ADD3: variants seen among roughly 807,000 people sequenced by gnomAD.
The protein encoded by ADD3 is adducin 3, also known as gamma-adducin.
ADD3 carries 25 observed loss-of-function variants against 80.2 expected under a neutral mutation model. The ratio of observed to expected loss-of-function variants is 0.31; its 90% CI spans 0.23 to 0.44. The LOEUF is 0.44. Among genes scored for constraint, ADD3 ranks in the 20% least tolerant of loss-of-function variants. The probability of loss-of-function intolerance (pLI) is 1.00; values close to 1 mark genes in which losing one functional copy is unlikely to be tolerated. For missense variants in ADD3, 829 were observed against 847.5 expected, an observed-to-expected ratio of 0.98 and a Z score of 0.27; for synonymous variants, 284 against 289.6, an observed-to-expected ratio of 0.98 and a Z score of 0.20.
intron 1 of ADD3, among the ~76,000 whole-genome samples, chr10:110,049,967 C>T (rs1564892688): frequency 6.6e-6 from 1 of 151,372 alleles, no homozygotes; most frequent in Admixed American, 6.6e-5. Flanking sequence ...TTGTTTTTGT[C>T]AGTTTCTCCC....
chr10:110,076,344 A>T (rs956777020), intron 1 of ADD3, among the ~76,000 whole-genome samples: 1 of 152,208 alleles, frequency 6.6e-6, no homozygotes, highest in African/African-American at 2.4e-5. Context: ...AAAACTTTTT[A>T]AAATAAAATT....
chr10:110,117,253 A>T (rs1761185140), intron 4 of ADD3, 89 bp from the exon 5 acceptor site: 2 of 666,994 alleles, frequency 3.0e-6, no homozygotes, highest in Admixed American at 5.6e-5. Flanking sequence ...GATCTCTTAC[A>T]ATTATTCATT....
intron 1 of ADD3, among the ~76,000 whole-genome samples, chr10:110,019,491 A>G (rs1454346676): frequency 2.6e-5 from 4 of 151,626 alleles, no homozygotes. Context: ...AGTAGCTGGG[A>G]CTACAGGCAC....
At chr10:110,070,249 G>C (rs1180911361) in intron 1 of ADD3, among the ~76,000 whole-genome samples, 1 of 151,858 alleles carries the variant, frequency 6.6e-6, no homozygotes, top group Non-Finnish European at 1.5e-5. Flanking sequence ...CCTCTCCCCT[G>C]CCCCAACCCA....
intron 1 of ADD3, among the ~76,000 whole-genome samples, chr10:110,065,488 G>GTCTC (rs67149777): frequency 2.8e-5 from 3 of 108,548 alleles, no homozygotes; most frequent in South Asian, 3.1e-4. Context: ...GTCTCTGTCT[G>GTCTC]TCTCTCTCTC....
chr10:110,107,186 A>C lies in ADD3; in HGVS notation c.196-5591A>C, dbSNP rs1471436867. ...TAGTAGAGCAGGAAAATAGTTAAAC[A>C]ATCACAGTCATACACTAGGTACCCT... is the stretch of plus-strand genomic sequence containing the variant. On this transcript the variant is annotated intron_variant, in intron 2 of 14. Coordinates refer to ENST00000356080, the MANE Select transcript of ADD3 (RefSeq NM_016824.5). Among the ~76,000 whole-genome samples the C allele has an allele frequency of 2.6e-5, 4 of 152,266 alleles. No individual in the cohort carries two copies. The South Asian group carries it at 6.2e-4, about 24-fold the overall frequency.
intron 1 of ADD3, among the ~76,000 whole-genome samples, chr10:110,069,278 G>C (rs752729859): frequency 1.3e-5 from 2 of 152,106 alleles, no homozygotes; most frequent in African/African-American, 2.4e-5. Context: ...TCATAAAAAT[G>C]GAAGATTTGT....
chr10:110,030,349 G>A (rs1326011008), intron 1 of ADD3, among the ~76,000 whole-genome samples: 1 of 150,824 alleles, frequency 6.6e-6, no homozygotes, highest in Non-Finnish European at 1.5e-5. Flanking sequence ...AGAAAGTGGT[G>A]ATTATTATGT....
At chr10:110,011,939 C>T (rs780931402) in intron 1 of ADD3, among the ~76,000 whole-genome samples, 22 of 152,186 alleles carry the variant, frequency 1.4e-4, no homozygotes, top group Non-Finnish European at 3.1e-4. Flanking sequence ...TAATTTTTTA[C>T]TGTAATGGGT....
chr10:110,031,815 G>A (rs1237045860), intron 1 of ADD3, among the ~76,000 whole-genome samples: 1 of 151,302 alleles, frequency 6.6e-6, no homozygotes, highest in Non-Finnish European at 1.5e-5. Flanking sequence ...AACATGATTT[G>A]GAATACGTAT....
chr10:110,103,697 G>T (rs1264187144), intron 2 of ADD3, among the ~76,000 whole-genome samples: 1 of 152,098 alleles, frequency 6.6e-6, no homozygotes, highest in East Asian at 1.9e-4. Flanking sequence ...TCCACTCTCT[G>T]GTTACTATTT....
At chr10:110,038,109 C>T (rs189937985) in intron 1 of ADD3, among the ~76,000 whole-genome samples, 2 of 141,008 alleles carry the variant, frequency 1.4e-5, no homozygotes, top group Non-Finnish European at 3.1e-5. Flanking sequence ...TTGGAAAATA[C>T]AGCAACAAAT....
At chr10:110,106,304 T>G (rs966245255) in intron 2 of ADD3, among the ~76,000 whole-genome samples, 4 of 141,598 alleles carry the variant, frequency 2.8e-5, no homozygotes, top group Non-Finnish European at 6.1e-5. Flanking sequence ...CAACATGGAG[T>G]TTTTTTTTTT....
chr10:110,105,380 A>C (rs1322248342), intron 2 of ADD3, among the ~76,000 whole-genome samples: 2 of 152,234 alleles, frequency 1.3e-5, no homozygotes, highest in Non-Finnish European at 2.9e-5. Flanking sequence ...AAAGTTAAAG[A>C]AGCATATAAA....
intron 1 of ADD3, among the ~76,000 whole-genome samples, chr10:110,069,627 G>A (rs779621974): frequency 3.9e-5 from 6 of 152,042 alleles, no homozygotes; most frequent in Non-Finnish European, 8.8e-5. Context: ...AGCTCATAGG[G>A]TGTAGTATAA....
At chr10:110,120,682 G>A (rs1392547719) in intron 8 of ADD3, among the ~76,000 whole-genome samples, 6 of 152,120 alleles carry the variant, frequency 3.9e-5, no homozygotes, top group Admixed American at 6.5e-5. Context: ...TAGAGAGCCC[G>A]CATCGCCAAG....
intron 1 of ADD3, among the ~76,000 whole-genome samples, chr10:110,032,185 A>G (rs370707137): frequency 1.3e-5 from 2 of 152,230 alleles, no homozygotes; most frequent in East Asian, 1.9e-4. Flanking sequence ...ATGGGATAGA[A>G]TAAGCATATT....
intron 1 of ADD3, among the ~76,000 whole-genome samples, chr10:110,019,561 A>G (rs1414855298): frequency 6.6e-6 from 1 of 152,058 alleles, no homozygotes; most frequent in African/African-American, 2.4e-5. Flanking sequence ...TCACCGTGTT[A>G]GCTAGGATGG....
At chr10:110,035,241 C>T (rs953650934) in intron 1 of ADD3, among the ~76,000 whole-genome samples, 2 of 152,124 alleles carry the variant, frequency 1.3e-5, no homozygotes, top group Non-Finnish European at 2.9e-5. Flanking sequence ...AGGTAATGAG[C>T]TCATCCATTT....
Sources: allele counts gnomAD v4.1 joint callset (sites outside exome capture counted in the v4.1 genomes callset), GRCh38; gene constraint gnomAD v4.1.1; transcripts MANE v1.5; gene names NCBI Gene and HGNC (gene_info 2026-07-23, HGNC 2026-07-21).